Variants in PLPP3 observed in about 807,000 individuals in gnomAD.
PLPP3 encodes PAP2 beta.
In PLPP3, 6 loss-of-function variants were observed where a neutral mutation model predicts 29.6. The ratio of observed to expected loss-of-function variants is 0.20; its 90% CI spans 0.11 to 0.40. The LOEUF is 0.40. PLPP3 is among the 10% of genes least tolerant of loss of function. The probability of loss-of-function intolerance (pLI) is 1.00; values close to 1 mark genes in which losing one functional copy is unlikely to be tolerated. For synonymous variants in PLPP3, 152 were observed against 159.7 expected (o/e 0.95, Z 0.36); for missense variants, 308 against 407.7 (o/e 0.76, Z 2.11).
chr1:56,541,709 G>C (rs955253474), intron 1 of PLPP3, among the ~76,000 whole-genome samples: 1 of 152,166 alleles, frequency 6.6e-6, no homozygotes, highest in African/African-American at 2.4e-5. Flanking sequence ...TATAAAGTAA[G>C]TGAGTCACTC....
At chr1:56,525,469 C>T (rs74776186) in intron 2 of PLPP3, among the ~76,000 whole-genome samples, 1,995 of 152,226 alleles carry the variant, frequency 0.013, 40 homozygotes, top group African/African-American at 0.046. Flanking sequence ...TACTGATTAC[C>T]TATTATATAC....
chr1:56,508,444 C>G (rs1557498081), intron 5 of PLPP3, among the ~76,000 whole-genome samples: 1 of 152,194 alleles, frequency 6.6e-6, no homozygotes, highest in Non-Finnish European at 1.5e-5. Context: ...AGGAGGTTAT[C>G]TGGCAGACTG....
intron 1 of PLPP3, among the ~76,000 whole-genome samples, chr1:56,566,882 T>A (rs1353644912): frequency 2.6e-5 from 4 of 152,230 alleles, no homozygotes; most frequent in Non-Finnish European, 5.9e-5. Context: ...AGATACATGG[T>A]AATTTTAGTT....
intron 1 of PLPP3, among the ~76,000 whole-genome samples, chr1:56,568,623 T>A (rs374749684): frequency 6.6e-6 from 1 of 152,156 alleles, no homozygotes; most frequent in Non-Finnish European, 1.5e-5. Context: ...ACCTGTCATA[T>A]CTTTCTTTTT....
rs1646256878 is a variant in PLPP3, at chr1:56,578,864, G to A, written c.139+14C>T. Reference sequence around the variant, plus strand: ...AGGGGCCGAGGGGCCGAGGGACAGCGGGGCTGGGCTCACCCATGAAGAGGC... The same window carrying A: ...AGGGGCCGAGGGGCCGAGGGACAGCAGGGCTGGGCTCACCCATGAAGAGGC... On this transcript the variant is annotated intron_variant, in intron 1 of 5. Transcript: ENST00000371250. 1 of 1,541,510 alleles carries A rather than the reference G, an allele frequency of 6.5e-7. No individual in the cohort carries two copies. Among genetic ancestry groups the A allele is most frequent in the East Asian group, 2.7e-5 (1 of 37,652 alleles).
In PLPP3 at chr1:56,495,401, C is replaced by G. The variant is rs979569957; in HGVS notation, c.*1150G>C. The G allele has an allele frequency of 2.6e-5, 4 of 152,650 alleles. No homozygotes were observed. The highest frequency in any genetic ancestry group is 9.6e-5 in the African/African-American group (4 of 41,456). 9.5% of individuals were successfully genotyped at this position (152,650 alleles called of 1,614,324 possible). A position where few individuals can be genotyped will look rare whatever the true frequency, so the allele number is the denominator to read the frequency against. ...AGGGAAACTCTCTACCGAGATTTAA[C>G]CCATATGTTCTGCCCAGCAGAACCT... is the stretch of plus-strand genomic sequence containing the variant. On this transcript the variant is annotated 3_prime_UTR_variant, in exon 6 of 6. Transcript: ENST00000371250.
intron 1 of PLPP3, among the ~76,000 whole-genome samples, chr1:56,565,054 T>C (rs980273033): frequency 6.6e-6 from 1 of 152,230 alleles, no homozygotes; most frequent in African/African-American, 2.4e-5. Flanking sequence ...AATAATGGAT[T>C]AAGCCATTCT....
chr1:56,512,104 G>A lies in PLPP3; in HGVS notation c.682C>T (p.Pro228Ser). The change falls in exon 5 of 6, where the codon CCC (proline) becomes TCC (serine). Residue 228 changes from proline to serine, a missense_variant. Coordinates refer to ENST00000371250, the MANE Select transcript of PLPP3 (RefSeq NM_003713.5). ...ATGATCAAGGTGAACTGCAGGAGGG[G>A]CCGGAGCAGGCGGGCTCCTCGCCAA... Reference protein sequence around the residue: ...FTWRGARLLRPLLQFTLIMMA... With the variant: ...FTWRGARLLRSLLQFTLIMMA... 4 of 1,611,780 alleles carry A rather than the reference G, an allele frequency of 2.5e-6. No individual in the cohort carries two copies. In the South Asian group the frequency reaches 3.3e-5, roughly 13 times the overall value.
intron 1 of PLPP3, among the ~76,000 whole-genome samples, chr1:56,560,732 T>C (rs1424287378): frequency 2.0e-5 from 3 of 151,996 alleles, no homozygotes; most frequent in Non-Finnish European, 2.9e-5. Context: ...ATTCAGACCA[T>C]AGCAGTTAGT....
chr1:56,557,481 T>G (rs1348029277), intron 1 of PLPP3, among the ~76,000 whole-genome samples: 20 of 152,192 alleles, frequency 1.3e-4, no homozygotes. Context: ...TGAATCAGAA[T>G]TGATAGAATC....
chr1:56,540,283 A>G (rs559440507), intron 1 of PLPP3, among the ~76,000 whole-genome samples: 1 of 152,168 alleles, frequency 6.6e-6, no homozygotes. Flanking sequence ...AAGGAACACA[A>G]AGATGACCCA....
At chr1:56,577,959 TG>T (rs1293421509) in intron 1 of PLPP3, among the ~76,000 whole-genome samples, 1 of 152,006 alleles carries the variant, frequency 6.6e-6, no homozygotes, top group African/African-American at 2.4e-5. Flanking sequence ...ACTTCAACCT[TG>T]GAAGTCCTGT....
chr1:56,531,489 A>G (rs528552381), intron 2 of PLPP3, among the ~76,000 whole-genome samples: 77 of 152,298 alleles, frequency 5.1e-4, no homozygotes, highest in African/African-American at 1.9e-3. Context: ...CTACCTACAC[A>G]CAGCAGGTGA....
At chr1:56,575,202 C>T (rs1646227678) in intron 1 of PLPP3, among the ~76,000 whole-genome samples, 1 of 152,120 alleles carries the variant, frequency 6.6e-6, no homozygotes, top group South Asian at 2.1e-4. Context: ...TGGAAAAAAA[C>T]TGAGACACAC....
chr1:56,560,077 T>C (rs546030058), intron 1 of PLPP3, among the ~76,000 whole-genome samples: 2 of 152,238 alleles, frequency 1.3e-5, no homozygotes, highest in East Asian at 3.9e-4. Context: ...GTGTTAATAA[T>C]CCCTTCAACT....
At chr1:56,552,376 G>T (rs934961517) in intron 1 of PLPP3, among the ~76,000 whole-genome samples, 1 of 152,030 alleles carries the variant, frequency 6.6e-6, no homozygotes, top group African/African-American at 2.4e-5. Flanking sequence ...GGTGATTTGA[G>T]AATCACTACT....
At chr1:56,507,812 G>T (rs1645713808) in intron 5 of PLPP3, among the ~76,000 whole-genome samples, 1 of 152,218 alleles carries the variant, frequency 6.6e-6, no homozygotes, top group Non-Finnish European at 1.5e-5. Flanking sequence ...AGTCACAGAA[G>T]AAGGTGTGAC....
At chr1:56,511,573 G>C (rs983296797) in intron 5 of PLPP3, among the ~76,000 whole-genome samples, 5 of 152,096 alleles carry the variant, frequency 3.3e-5, no homozygotes, top group African/African-American at 1.2e-4. Flanking sequence ...AGGAGACTTA[G>C]ATCTTGCTAC....
intron 1 of PLPP3, among the ~76,000 whole-genome samples, chr1:56,576,125 A>G (rs1388000355): frequency 2.6e-5 from 4 of 152,190 alleles, no homozygotes; most frequent in Admixed American, 2.6e-4. Context: ...ACGTTCTAAA[A>G]AGGTATGTGA....
Sources: allele counts gnomAD v4.1 joint callset (sites outside exome capture counted in the v4.1 genomes callset), GRCh38; gene constraint gnomAD v4.1.1; transcripts MANE v1.5; gene names NCBI Gene and HGNC (gene_info 2026-07-23, HGNC 2026-07-21).